The following LDLRAD4 variants were observed in gnomAD, a reference collection of about 807,000 sequenced individuals.
LDLRAD4 encodes low density lipoprotein receptor class A domain containing 4.
Under a neutral mutation model 17.0 loss-of-function variants are expected in LDLRAD4, and 5 were observed. The ratio of observed to expected loss-of-function variants is 0.29; its 90% CI spans 0.15 to 0.62. The LOEUF (loss-of-function observed/expected upper bound fraction) is 0.62, where lower values mean the gene tolerates loss of function less well. Ranked by LOEUF, LDLRAD4 falls within the 20% of genes least tolerant of loss-of-function variation. The probability of loss-of-function intolerance (pLI) is 0.84; values close to 1 mark genes in which losing one functional copy is unlikely to be tolerated. For synonymous variants in LDLRAD4, 168 were observed against 171.8 expected (o/e 0.98, Z 0.17); for missense variants, 340 against 424.7 (o/e 0.80, Z 1.75).
intron 1 of LDLRAD4, among the ~76,000 whole-genome samples, chr18:13,323,544 C>G (rs768756471): frequency 6.6e-6 from 1 of 152,134 alleles, no homozygotes; most frequent in Admixed American, 6.5e-5. Flanking sequence ...TGAGGTGCCA[C>G]GTTTAAGGAG....
At chr18:13,326,462 T>C (rs985102118) in intron 1 of LDLRAD4, among the ~76,000 whole-genome samples, 29 of 152,244 alleles carry the variant, frequency 1.9e-4, no homozygotes, top group Admixed American at 1.8e-3. Flanking sequence ...TTGTCTTTTT[T>C]CTGCACCTGG....
intron 1 of LDLRAD4, among the ~76,000 whole-genome samples, chr18:13,359,230 A>G (rs1386323899): frequency 6.6e-6 from 1 of 152,214 alleles, no homozygotes. Context: ...GAATCTGGAC[A>G]TTGTGTCACA....
intron 1 of LDLRAD4, among the ~76,000 whole-genome samples, chr18:13,379,361 T>G (rs542730377): frequency 7.9e-5 from 12 of 152,238 alleles, no homozygotes; most frequent in African/African-American, 2.6e-4. Flanking sequence ...GGCCATAGAT[T>G]GAAAAGGAGG....
chr18:13,404,938 A>G (rs1599997190), intron 2 of LDLRAD4, among the ~76,000 whole-genome samples: 1 of 152,092 alleles, frequency 6.6e-6, no homozygotes, highest in East Asian at 1.9e-4. Flanking sequence ...TGTAGGTCGT[A>G]TGAAGAAGGA....
intron 1 of LDLRAD4, among the ~76,000 whole-genome samples, chr18:13,311,380 G>A (rs1180721832): frequency 1.3e-5 from 2 of 152,232 alleles, no homozygotes; most frequent in Non-Finnish European, 2.9e-5. Flanking sequence ...CCTGGTGGCG[G>A]TGTTGCGGGT....
exon 6 of LDLRAD4, chr18:13,650,450 G>GTAGA (rs1210564345): frequency 2.5e-6 from 1 of 398,056 alleles, no homozygotes; most frequent in African/African-American, 2.1e-5. Flanking sequence ...TTATATATAT[G>GTAGA]TAGATATACC....
chr18:13,253,686 T>C (rs2043348208), intron 1 of LDLRAD4, among the ~76,000 whole-genome samples: 1 of 152,204 alleles, frequency 6.6e-6, no homozygotes, highest in African/African-American at 2.4e-5. Context: ...TAATTTTTTT[T>C]GATATTCTCT....
At chr18:13,588,665 G>A (rs1035087296) in intron 3 of LDLRAD4, among the ~76,000 whole-genome samples, 3 of 151,868 alleles carry the variant, frequency 2.0e-5, no homozygotes, top group Non-Finnish European at 2.9e-5. Context: ...GTTTTTGTAC[G>A]CAGCTTCCAT....
intron 3 of LDLRAD4, among the ~76,000 whole-genome samples, chr18:13,447,997 T>G: frequency 6.6e-6 from 1 of 151,880 alleles, no homozygotes; most frequent in African/African-American, 2.4e-5. Context: ...GCCGGGAGGG[T>G]GTAGGGAGAG....
At chr18:13,302,170 T>G (rs981717842) in intron 1 of LDLRAD4, among the ~76,000 whole-genome samples, 1 of 152,254 alleles carries the variant, frequency 6.6e-6, no homozygotes, top group Non-Finnish European at 1.5e-5. Flanking sequence ...AGCATGCCAC[T>G]TGTAATTCAC....
chr18:13,564,580 T>TAAAAA (rs367805996), intron 3 of LDLRAD4, among the ~76,000 whole-genome samples: 1 of 82,460 alleles, frequency 1.2e-5, no homozygotes, highest in South Asian at 5.1e-4. Flanking sequence ...TCCCATTTTC[T>TAAAAA]AAAAAAAAAA....
At chr18:13,332,170 A>G (rs886453353) in intron 1 of LDLRAD4, among the ~76,000 whole-genome samples, 1 of 152,242 alleles carries the variant, frequency 6.6e-6, no homozygotes, top group African/African-American at 2.4e-5. Context: ...TAGAAACTTC[A>G]TTTTATTCAG....
At chr18:13,526,296 G>A (rs959049842) in intron 3 of LDLRAD4, 10 of 152,116 alleles carry the variant, frequency 6.6e-5, no homozygotes, top group South Asian at 2.1e-4. Context: ...AAATATCCCC[G>A]GATAAGCTGG....
rs531393288 is a variant in LDLRAD4, at chr18:13,623,764, C to T, written c.336+2493C>T. Among the ~76,000 whole-genome samples the T allele has an allele frequency of 7.9e-5, 12 of 152,324 alleles. No individual in the cohort carries two copies. In the East Asian group the frequency reaches 1.7e-3, roughly 22 times the overall value. The stretch of plus-strand genomic sequence containing the variant: ...TGCTAATACTATGGGTGTGGCCATG[C>T]TATCCATTTCCCTCTCTCTGCCCTG... On this transcript the variant is annotated intron_variant, in intron 4 of 5. Coordinates refer to ENST00000359446, the Ensembl canonical transcript of LDLRAD4.
At chr18:13,567,154 C>T (rs570429913) in intron 3 of LDLRAD4, among the ~76,000 whole-genome samples, 28 of 152,336 alleles carry the variant, frequency 1.8e-4, no homozygotes, top group Admixed American at 9.8e-4. Flanking sequence ...TTAATCATTT[C>T]CCCCTGCCTC....
chr18:13,318,257 A>G (rs1277330728), intron 1 of LDLRAD4, among the ~76,000 whole-genome samples: 1 of 151,574 alleles, frequency 6.6e-6, no homozygotes, highest in Non-Finnish European at 1.5e-5. Flanking sequence ...GCTTTAATTC[A>G]TAGTGAAATC....
At chr18:13,552,117 A>G (rs1457492248) in intron 3 of LDLRAD4, among the ~76,000 whole-genome samples, 1 of 152,222 alleles carries the variant, frequency 6.6e-6, no homozygotes, top group Non-Finnish European at 1.5e-5. Flanking sequence ...ATCTCATTTC[A>G]CATGAGATTT....
intron 1 of LDLRAD4, among the ~76,000 whole-genome samples, chr18:13,352,244 G>A (rs1422675124): frequency 3.9e-5 from 6 of 152,196 alleles, no homozygotes; most frequent in African/African-American, 1.2e-4. Flanking sequence ...ATTCAACATA[G>A]TGTTGGAAGT....
chr18:13,391,846 A>G (rs1332355823), intron 2 of LDLRAD4, among the ~76,000 whole-genome samples: 1 of 152,236 alleles, frequency 6.6e-6, no homozygotes, highest in Admixed American at 6.5e-5. Flanking sequence ...ACATTACATT[A>G]CGAGCATTTT....
Sources: gnomAD v4.1 joint callset for allele counts (sites outside exome capture counted in the v4.1 genomes callset) on GRCh38, gnomAD v4.1.1 for gene constraint, MANE v1.5 for transcripts, NCBI Gene and HGNC (gene_info 2026-07-23, HGNC 2026-07-21) for gene names.